The following PLEKHA7 variants were observed in gnomAD, a reference collection of about 807,000 sequenced individuals.
PLEKHA7 encodes pleckstrin homology domain containing A7.
In PLEKHA7, 104 loss-of-function variants were observed where a neutral mutation model predicts 170.0. The observed-to-expected ratio is 0.61, with a 90% CI of 0.52 to 0.72. The LOEUF (loss-of-function observed/expected upper bound fraction) is 0.72. Among genes scored for constraint, PLEKHA7 ranks in the 30% least tolerant of loss-of-function variants. The probability of loss-of-function intolerance (pLI) is 0.00; values close to 1 mark genes in which losing one functional copy is unlikely to be tolerated. For synonymous variants in PLEKHA7, 648 were observed against 660.8 expected, an observed-to-expected ratio of 0.98 and a Z score of 0.30; for missense variants, 1,615 against 1,671.7, an observed-to-expected ratio of 0.97 and a Z score of 0.59.
chr11:16,876,698 T>C (rs192151687), intron 3 of PLEKHA7, among the ~76,000 whole-genome samples: 83 of 152,352 alleles, frequency 5.4e-4, no homozygotes, highest in Middle Eastern at 6.8e-3. Flanking sequence ...TTAAGTTCAA[T>C]GTAAGACAGT....
intron 3 of PLEKHA7, among the ~76,000 whole-genome samples, chr11:16,878,074 T>A (rs554585480): frequency 6.6e-6 from 1 of 152,226 alleles, no homozygotes; most frequent in Non-Finnish European, 1.5e-5. Flanking sequence ...CCTATTTCCA[T>A]TAACATCACT....
At chr11:16,779,414 A>G (rs1848857377) in intron 26 of PLEKHA7, among the ~76,000 whole-genome samples, 1 of 152,238 alleles carries the variant, frequency 6.6e-6, no homozygotes, top group Non-Finnish European at 1.5e-5. Flanking sequence ...GAGAGTAAGA[A>G]GAAATGCAGT....
chr11:16,780,968 T>G (rs1848978788), intron 26 of PLEKHA7: 1 of 985,684 alleles, frequency 1.0e-6, no homozygotes, highest in African/African-American at 1.7e-5. Flanking sequence ...AAAGGTGTAG[T>G]GGAGTCCGTT....
chr11:16,916,885 G>A (rs1858723781), intron 3 of PLEKHA7, among the ~76,000 whole-genome samples: 1 of 152,134 alleles, frequency 6.6e-6, no homozygotes, highest in Non-Finnish European at 1.5e-5. Flanking sequence ...ACAGAATCCT[G>A]GATTAATAGC....
chr11:16,872,445 T>C (rs1854932577), intron 3 of PLEKHA7, among the ~76,000 whole-genome samples: 1 of 152,250 alleles, frequency 6.6e-6, no homozygotes, highest in African/African-American at 2.4e-5. Flanking sequence ...TTTCACATCC[T>C]ATTAACATAG....
chr11:16,961,429 G>C (rs1862052115), intron 3 of PLEKHA7, among the ~76,000 whole-genome samples: 1 of 152,254 alleles, frequency 6.6e-6, no homozygotes, highest in Non-Finnish European at 1.5e-5. Flanking sequence ...CAAAGGCTAT[G>C]AGCCTTCCTC....
At chr11:16,950,640 G>C (rs7110334) in intron 3 of PLEKHA7, among the ~76,000 whole-genome samples, 2,616 of 152,156 alleles carry the variant, frequency 0.017, 91 homozygotes, top group African/African-American at 0.061. Flanking sequence ...TGGCCCCACA[G>C]ATATCTTAGC....
chr11:16,822,501 GGAAA>G (rs1441539273), intron 10 of PLEKHA7, among the ~76,000 whole-genome samples: 15 of 126,346 alleles, frequency 1.2e-4, no homozygotes, highest in African/African-American at 4.1e-4. Context: ...TTTTGGTAGG[GGAAA>G]AAAAAAAAAA....
In PLEKHA7 at chr11:16,791,063, T is replaced by A. The variant is rs1353423062; in HGVS notation, c.2882A>T (p.Asp961Val). 1 of 1,614,010 alleles carries A rather than the reference T, an allele frequency of 6.2e-7. No individual in the cohort carries two copies. The highest frequency in any genetic ancestry group is 8.5e-7 in the Non-Finnish European group (1 of 1,180,036). ...CAGCTCCCGGTCTCGCTTCCTCTCG[T>A]CTGACTGCCGCTTGAGGCCCCGCAC... ...TSVRGLKRQS[D>V]ERKRDRELGQ... The change falls in exon 20 of 27, where the codon GAC (aspartate) becomes GTC (valine). Residue 961 changes from aspartate to valine, a missense_variant. Asp to Val is a radical substitution (Grantham distance 152). Coordinates refer to ENST00000531066, the MANE Select transcript of PLEKHA7 (RefSeq NM_001329630.2). The surrounding 1 kb of genome is among the most constrained non-coding windows in gnomAD (Gnocchi z 4.5).
intron 3 of PLEKHA7, among the ~76,000 whole-genome samples, chr11:16,888,540 T>C (rs1207142644): frequency 1.3e-5 from 2 of 152,306 alleles, no homozygotes; most frequent in Non-Finnish European, 2.9e-5. Context: ...TCTATAACCT[T>C]ACCCCCAACC....
At position 16,961,228 on chromosome 11, in the gene PLEKHA7, C is replaced by G. The variant is rs540191106; in HGVS notation, c.221+52761G>C. 2.0e-5 allele frequency among the ~76,000 whole-genome samples: 3 copies of G among 152,366 alleles called. No individual in the cohort carries two copies. In the East Asian group the frequency reaches 5.8e-4, roughly 29 times the overall value. Reference sequence around the variant, plus strand: ...CCCCATCCCCAGTCCCAGCTGGTTTCTCTGCCACTCACTAGGATGACCAAG... The same window carrying G: ...CCCCATCCCCAGTCCCAGCTGGTTTGTCTGCCACTCACTAGGATGACCAAG... On this transcript the variant is annotated intron_variant, in intron 3 of 26. Transcript: ENST00000531066.
chr11:17,004,293 T>C lies in PLEKHA7; in HGVS notation c.221+9696A>G, dbSNP rs1330161987. Among the ~76,000 whole-genome samples, 9 of 152,334 alleles carry C rather than the reference T, an allele frequency of 5.9e-5. No homozygotes were observed. In the East Asian group the frequency reaches 1.7e-3, roughly 29 times the overall value. On this transcript the variant is annotated intron_variant, in intron 3 of 26. Coordinates refer to ENST00000531066, the MANE Select transcript of PLEKHA7 (RefSeq NM_001329630.2). Reference sequence around the variant, plus strand: ...TGCCATTAGACCTATGGCTGAAATGTCTGAGAAGCCTGGATATGAGGAACA... The same window carrying C: ...TGCCATTAGACCTATGGCTGAAATGCCTGAGAAGCCTGGATATGAGGAACA...
intron 3 of PLEKHA7, among the ~76,000 whole-genome samples, chr11:16,948,196 T>C (rs1163673351): frequency 6.6e-6 from 1 of 152,128 alleles, no homozygotes; most frequent in Admixed American, 6.5e-5. Context: ...TTGGGAGATG[T>C]TGCTTGAAGG....
At chr11:16,926,984 C>T (rs548510062) in intron 3 of PLEKHA7, among the ~76,000 whole-genome samples, 1 of 152,108 alleles carries the variant, frequency 6.6e-6, no homozygotes, top group East Asian at 1.9e-4. Flanking sequence ...GAAATCCCTT[C>T]CACTCTCTGG....
At chr11:16,838,693 CTTTT>C (rs869209891) in intron 9 of PLEKHA7, among the ~76,000 whole-genome samples, 8 of 107,866 alleles carry the variant, frequency 7.4e-5, no homozygotes, top group Non-Finnish European at 1.2e-4. Context: ...ACACAGTTTT[CTTTT>C]TTTTTTTTTT....
intron 3 of PLEKHA7, among the ~76,000 whole-genome samples, chr11:17,006,201 C>T (rs954978847): frequency 1.3e-5 from 2 of 151,658 alleles, no homozygotes; most frequent in Non-Finnish European, 2.9e-5. Context: ...GAAACCCCGT[C>T]TCTACTAAAT....
chr11:16,999,859 A>G (rs1043070267), intron 3 of PLEKHA7, among the ~76,000 whole-genome samples: 2 of 152,176 alleles, frequency 1.3e-5, no homozygotes, highest in Non-Finnish European at 2.9e-5. Flanking sequence ...GGAGCTTGTG[A>G]TAAATGCTGA....
At chr11:16,830,638 G>A (rs184145196) in intron 9 of PLEKHA7, among the ~76,000 whole-genome samples, 46 of 152,326 alleles carry the variant, frequency 3.0e-4, no homozygotes, top group African/African-American at 9.6e-4. Context: ...TGGGCACAAT[G>A]TCTCAGTCCA....
chr11:16,874,426 G>A (rs993921959), intron 3 of PLEKHA7, among the ~76,000 whole-genome samples: 5 of 151,784 alleles, frequency 3.3e-5, no homozygotes, highest in African/African-American at 7.3e-5. Flanking sequence ...AGGATCACCC[G>A]AGCCCAGGAG....
Sources: gnomAD v4.1 joint callset for allele counts (sites outside exome capture counted in the v4.1 genomes callset) on GRCh38, gnomAD v4.1.1 for gene constraint, Gnocchi (gnomAD v3.1) non-coding constraint, MANE v1.5 for transcripts, NCBI Gene and HGNC (gene_info 2026-07-23, HGNC 2026-07-21) for gene names.